LATS2: variants seen among roughly 807,000 people sequenced by gnomAD.
LATS2 encodes serine/threonine-protein kinase LATS2.
Under a neutral mutation model 76.0 loss-of-function variants are expected in LATS2, and 24 were observed. The observed-to-expected ratio is 0.32, with a 90% CI of 0.23 to 0.44. The LOEUF (loss-of-function observed/expected upper bound fraction) is 0.44. Among genes scored for constraint, LATS2 ranks in the 20% least tolerant of loss-of-function variants. LATS2 has a pLI of 1.00. For missense variants in LATS2, 1,286 were observed against 1,481.2 expected (o/e 0.87, Z 2.16); for synonymous variants, 692 against 635.4 (o/e 1.09, Z -1.34).
At chr13:21,013,323 G>C (rs1324105163) in intron 2 of LATS2, among the ~76,000 whole-genome samples, 3 of 152,168 alleles carry the variant, frequency 2.0e-5, no homozygotes, top group Non-Finnish European at 4.4e-5. Flanking sequence ...TACTTATCCT[G>C]GCTCGATGCC....
In LATS2 at chr13:21,061,446, C is replaced by T. The variant is rs773888902; in HGVS notation, c.-305G>A. 1.9e-3 allele frequency: 298 copies of T among 153,506 alleles called. No homozygotes were observed. The highest frequency in any genetic ancestry group is 2.0e-3 in the Non-Finnish European group (139 of 68,856). The allele number at this position is 153,506 out of a possible 1,614,324, so 9.5% of individuals were successfully genotyped here. ...CACTGGTGGCTGGAGCTGCTGCTGG[C>T]CCCGCAGGGACGGGGGAGCCCCGGG... On this transcript the variant is annotated 5_prime_UTR_variant, in exon 1 of 8. Transcript: ENST00000382592.
chr13:21,007,624 GTATATA>G (rs71200322), intron 2 of LATS2, among the ~76,000 whole-genome samples: 88 of 530 alleles, frequency 0.17, 21 homozygotes, highest in African/African-American at 0.2. Flanking sequence ...TATATATAGT[GTATATA>G]TATATATATA....
intron 1 of LATS2, among the ~76,000 whole-genome samples, chr13:21,056,456 T>TA (rs1595261281): frequency 1.3e-5 from 2 of 152,240 alleles, no homozygotes; most frequent in South Asian, 2.1e-4. Flanking sequence ...ATAAATGGCA[T>TA]AAAAAAATTG....
intron 2 of LATS2, among the ~76,000 whole-genome samples, chr13:21,011,996 G>T (rs1395709665): frequency 6.6e-6 from 1 of 152,192 alleles, no homozygotes; most frequent in Non-Finnish European, 1.5e-5. Flanking sequence ...GAGGGAGAAT[G>T]TGCAAACTCC....
chr13:21,048,769 G>A (rs954520490), intron 1 of LATS2, among the ~76,000 whole-genome samples: 14 of 151,966 alleles, frequency 9.2e-5, no homozygotes, highest in South Asian at 8.3e-4. Flanking sequence ...CCAGGGAGGC[G>A]GGGGTTGCAG....
intron 1 of LATS2, among the ~76,000 whole-genome samples, chr13:21,061,115 G>A (rs898287275): frequency 3.3e-5 from 5 of 151,758 alleles, no homozygotes; most frequent in Admixed American, 2.6e-4. Flanking sequence ...CGCGGGCTCC[G>A]TACGGCCTGG....
rs190721649 is a variant in LATS2 at position 21,047,126 on chromosome 13, C to A, written c.-204-896G>T. 1.4e-4 allele frequency among the ~76,000 whole-genome samples: 21 copies of A among 152,306 alleles called. No individual in the cohort carries two copies. The East Asian group carries it at 3.5e-3, about 25-fold the overall frequency. On this transcript the variant is annotated intron_variant, in intron 1 of 7. Transcript: ENST00000382592. The stretch of plus-strand genomic sequence containing the variant: ...AATAGTAAATTCTACCTACCCCAGG[C>A]CTCGTTCACGGCCTACTCTGCTGTT...
intron 7 of LATS2, among the ~76,000 whole-genome samples, chr13:20,979,087 T>C (rs1056516409): frequency 6.6e-6 from 1 of 152,190 alleles, no homozygotes; most frequent in African/African-American, 2.4e-5. Flanking sequence ...GTAGTGGGAT[T>C]ACAGGCATGA....
At chr13:21,058,811 T>C (rs1873530623) in intron 1 of LATS2, among the ~76,000 whole-genome samples, 1 of 152,230 alleles carries the variant, frequency 6.6e-6, no homozygotes. Flanking sequence ...GTGCCTTCTA[T>C]ACCTGCATGA....
At chr13:21,043,605 G>A (rs1872964643) in intron 2 of LATS2, among the ~76,000 whole-genome samples, 1 of 152,114 alleles carries the variant, frequency 6.6e-6, no homozygotes, top group African/African-American at 2.4e-5. Flanking sequence ...CATTAAATAT[G>A]GTAAATGGAG....
In LATS2 at chr13:20,991,458, C is replaced by G. The variant is rs1870503092; in HGVS notation, c.343-54G>C. The G allele has an allele frequency of 1.9e-6, 3 of 1,604,644 alleles. No individual in the cohort carries two copies. The Admixed American group carries it at 5.0e-5, about 27-fold the overall frequency. On this transcript the variant is annotated intron_variant, in intron 2 of 7. Transcript: ENST00000382592. The surrounding 1 kb of genome is among the most constrained non-coding windows in gnomAD (Gnocchi z 4.9). Reference sequence around the variant, plus strand: ...GCATGTCATCCTAAAACAAAGCCACCAAAGACTCCCATCCCCACTCCGTGC... The same window carrying G: ...GCATGTCATCCTAAAACAAAGCCACGAAAGACTCCCATCCCCACTCCGTGC...
chr13:20,974,981 G>A lies in LATS2; in HGVS notation c.3156C>T (p.Pro1052=), dbSNP rs1869528090. The A allele has an allele frequency of 6.2e-7, 1 of 1,614,222 alleles. No individual in the cohort carries two copies. Among genetic ancestry groups the A allele is most frequent in the Non-Finnish European group, 8.5e-7 (1 of 1,180,052 alleles). The change falls in exon 8 of 8, where the codon CCC becomes CCT. Residue 1052 remains proline, a synonymous_variant. Transcript: ENST00000382592. ...FRRFFDDNGY[P]FRCPKPSGAE... Reference sequence around the variant, plus strand: ...CTCCTGAAGGCTTTGGGCATCGAAAGGGGTAGCCATTGTCATCAAAGAACC... The same window carrying A: ...CTCCTGAAGGCTTTGGGCATCGAAAAGGGTAGCCATTGTCATCAAAGAACC...
intron 5 of LATS2, among the ~76,000 whole-genome samples, chr13:20,982,539 G>A (rs965507457): frequency 7.2e-5 from 11 of 152,040 alleles, no homozygotes; most frequent in African/African-American, 2.4e-4. Flanking sequence ...TCGAACTCCT[G>A]ACCCCAGGTG....
intron 1 of LATS2, among the ~76,000 whole-genome samples, chr13:21,053,572 C>T (rs1247223752): frequency 1.3e-5 from 2 of 152,158 alleles, no homozygotes; most frequent in Non-Finnish European, 2.9e-5. Context: ...ACACTGAGGA[C>T]AAAGCCTGCC....
intron 1 of LATS2, among the ~76,000 whole-genome samples, chr13:21,050,836 A>G (rs1273630129): frequency 6.6e-6 from 1 of 152,180 alleles, no homozygotes; most frequent in Non-Finnish European, 1.5e-5. Flanking sequence ...TTTTGTTTCT[A>G]TATTATTGTA....
At position 20,991,234 on chromosome 13, in the gene LATS2, A is replaced by T. The variant is rs961097704; in HGVS notation, c.475+38T>A. On this transcript the variant is annotated intron_variant, in intron 3 of 7. Coordinates refer to ENST00000382592, the MANE Select transcript of LATS2 (RefSeq NM_014572.3). This position sits in a 1 kb window ranked among gnomAD's most constrained non-coding sequence, Gnocchi z 4.9. ...GTGGTTTTGTTGTCCTTAAGCCACA[A>T]ACCATCTTTGCCCACTATGCTGCAG... The T allele has an allele frequency of 6.2e-7, 1 of 1,613,188 alleles. No homozygotes were observed. Among genetic ancestry groups the T allele is most frequent in the African/African-American group, 1.3e-5 (1 of 75,050 alleles).
Position 20,987,896 on chromosome 13 carries a change from C to T in LATS2, c.1884G>A (p.Glu628=). 6.2e-7 allele frequency: 1 copy of T among 1,612,374 alleles called. No individual in the cohort carries two copies. The highest frequency in any genetic ancestry group is 8.5e-7 in the Non-Finnish European group (1 of 1,178,720). ...GTGAAATTACTTTGGCCATTTCTTG[C>T]TCCAGCTGCAGCCTCCGGTTAACCT... ...QQKVNRRLQL[E]QEMAKAGLCE... is the part of the protein sequence containing the mutation. Residue 628 remains glutamate (E), a synonymous_variant, in exon 4 of 8, where the codon GAG becomes GAA. Transcript: ENST00000382592.
chr13:20,984,974 G>A (rs1870075960), intron 4 of LATS2, among the ~76,000 whole-genome samples: 1 of 152,174 alleles, frequency 6.6e-6, no homozygotes, highest in Admixed American at 6.5e-5. Context: ...CAATGGAACA[G>A]AATAGAGAAC....
At chr13:20,980,284 CT>C (rs1869812494) in intron 6 of LATS2, among the ~76,000 whole-genome samples, 1 of 152,196 alleles carries the variant, frequency 6.6e-6, no homozygotes, top group Non-Finnish European at 1.5e-5. Context: ...CCAAACACTC[CT>C]TGTGTGAGGC....
Sources: gnomAD v4.1 joint callset for allele counts (sites outside exome capture counted in the v4.1 genomes callset) on GRCh38, gnomAD v4.1.1 for gene constraint, Gnocchi (gnomAD v3.1) non-coding constraint, MANE v1.5 for transcripts, NCBI Gene and HGNC (gene_info 2026-07-23, HGNC 2026-07-21) for gene names.